CREBBP: variants seen among roughly 807,000 people sequenced by gnomAD.
CREBBP encodes CREB binding lysine acetyltransferase.
A neutral mutation model predicts 265.0 loss-of-function variants in CREBBP; 19 were observed. The observed-to-expected ratio is 0.07, with a 90% CI of 0.05 to 0.11. The LOEUF (loss-of-function observed/expected upper bound fraction) is 0.11, where lower values mean the gene tolerates loss of function less well. Ranked by LOEUF, CREBBP falls within the 10% of genes least tolerant of loss-of-function variation. CREBBP has a pLI of 1.00. For missense variants in CREBBP, 2,525 were observed against 3,219.0 expected, an observed-to-expected ratio of 0.78 and a Z score of 5.22; for synonymous variants, 1,457 against 1,223.7, an observed-to-expected ratio of 1.19 and a Z score of -3.98.
chr16:3,877,899 C>A (rs2055437004), intron 1 of CREBBP, among the ~76,000 whole-genome samples: 1 of 152,088 alleles, frequency 6.6e-6, no homozygotes, highest in Non-Finnish European at 1.5e-5. Flanking sequence ...CTGTGCCTTA[C>A]AAGGATCAAA....
rs1162128778 is a variant in CREBBP at position 3,727,928 on chromosome 16, T to C, written c.7119A>G (p.Pro2373=). Residue 2373 remains proline, a synonymous_variant, in exon 31 of 31, where the codon CCA becomes CCG. Coordinates refer to ENST00000262367, the MANE Select transcript of CREBBP (RefSeq NM_004380.3). ...AACCAGTCTGGGGTGAGACGTGGTGTGGCGAAGGCTGGGGCTGTATCCGTG... is the reference window on the plus strand; with the variant it reads ...AACCAGTCTGGGGTGAGACGTGGTGCGGCGAAGGCTGGGGCTGTATCCGTG... The part of the protein sequence containing the change: ...PSPRIQPQPS[P]HHVSPQTGSP... 1.9e-6 allele frequency: 3 copies of C among 1,609,440 alleles called. No individual in the cohort carries two copies. The South Asian group carries it at 3.3e-5, about 18-fold the overall frequency.
intron 3 of CREBBP, among the ~76,000 whole-genome samples, chr16:3,796,071 T>C (rs1370179179): frequency 6.6e-6 from 1 of 152,156 alleles, no homozygotes; most frequent in Admixed American, 6.5e-5. Flanking sequence ...CTCCTGACAC[T>C]ACCTTGTTGA....
intron 3 of CREBBP, among the ~76,000 whole-genome samples, chr16:3,810,340 T>A (rs893972384): frequency 6.6e-6 from 1 of 152,146 alleles, no homozygotes; most frequent in Admixed American, 6.5e-5. Context: ...AAAGGTAAAG[T>A]GATTCGTGCA....
chr16:3,773,182 T>G (rs943117127), intron 13 of CREBBP, among the ~76,000 whole-genome samples: 1 of 152,106 alleles, frequency 6.6e-6, no homozygotes, highest in Non-Finnish European at 1.5e-5. Context: ...TTGTATACAG[T>G]AGCAATGATA....
At chr16:3,765,115 AG>A (rs2052818552) in intron 16 of CREBBP, among the ~76,000 whole-genome samples, 4 of 152,182 alleles carry the variant, frequency 2.6e-5, no homozygotes, top group Non-Finnish European at 5.9e-5. Context: ...CTGGGACTAC[AG>A]GCGCCCGCCA....
At chr16:3,873,251 CTGATT>C (rs2055336367) in intron 1 of CREBBP, among the ~76,000 whole-genome samples, 1 of 152,136 alleles carries the variant, frequency 6.6e-6, no homozygotes, top group Non-Finnish European at 1.5e-5. Context: ...AGTGTACATC[CTGATT>C]TGATTTAAAA....
intron 1 of CREBBP, among the ~76,000 whole-genome samples, chr16:3,875,179 A>T (rs2110534): frequency 6.6e-6 from 1 of 152,136 alleles, no homozygotes; most frequent in African/African-American, 2.4e-5. Flanking sequence ...TACAGAATCA[A>T]ATCTGAATGT....
At chr16:3,856,617 C>A (rs2054969594) in intron 1 of CREBBP, among the ~76,000 whole-genome samples, 3 of 152,116 alleles carry the variant, frequency 2.0e-5, no homozygotes, top group Non-Finnish European at 2.9e-5. Flanking sequence ...CACTGCAGCC[C>A]AAAATAACTA....
chr16:3,761,949 C>T (rs913082526), intron 16 of CREBBP, among the ~76,000 whole-genome samples: 1 of 152,202 alleles, frequency 6.6e-6, no homozygotes, highest in African/African-American at 2.4e-5. Context: ...CAGCTGCTTG[C>T]TTTTCTGTAT....
At chr16:3,774,496 G>C (rs1193950908) in intron 12 of CREBBP, 73 bp downstream of exon 12, 128 of 1,599,086 alleles carry the variant, frequency 8.0e-5, no homozygotes, top group Non-Finnish European at 3.9e-5. Context: ...CAAGTGACAT[G>C]AATTCTGCTG....
chr16:3,833,579 T>G (rs1403875918), intron 2 of CREBBP, among the ~76,000 whole-genome samples: 1 of 152,214 alleles, frequency 6.6e-6, no homozygotes, highest in Admixed American at 6.5e-5. Context: ...ATAGAATTAA[T>G]AAGTGAGTTT....
rs2151300181 is a variant in CREBBP at position 3,728,086 on chromosome 16, G to T, written c.6961C>A (p.Leu2321Ile). ...PNPMSPQQHM[L>I]SGQPQASHLP... The stretch of plus-strand genomic sequence containing the variant: ...TGCGAGGCCTGTGGCTGTCCTGAGA[G>T]CATGTGTTGCTGGGGGCTCATGGGG... Residue 2321 changes from leucine (L) to isoleucine (I), a missense_variant, in exon 31 of 31, where the codon CTC (leucine) becomes ATC (isoleucine). Around this residue, in one of 19 missense-constraint regions of CREBBP, gnomAD observed 473 missense variants for 459.3 expected, o/e 1.03. Transcript: ENST00000262367. The surrounding 1 kb of genome is among the most constrained non-coding windows in gnomAD (Gnocchi z 8.7). 6.2e-7 allele frequency: 1 copy of T among 1,614,192 alleles called. No individual in the cohort carries two copies. The highest frequency in any genetic ancestry group is 8.5e-7 in the Non-Finnish European group (1 of 1,180,020).
At chr16:3,735,749 CAT>C in intron 28 of CREBBP, among the ~76,000 whole-genome samples, 1 of 152,308 alleles carries the variant, frequency 6.6e-6, no homozygotes, top group South Asian at 2.1e-4. Context: ...TCACTTTTTA[CAT>C]CAGCGGGTTG....
At chr16:3,745,214 C>G in intron 22 of CREBBP, 63 bp downstream of exon 22, 2 of 1,440,892 alleles carry the variant, frequency 1.4e-6, no homozygotes, top group Admixed American at 3.6e-5. Flanking sequence ...GCAGTAGCCA[C>G]TGCAACTGCC....
rs1349650323 is a variant in CREBBP, at chr16:3,731,428, G to A, written c.4936C>T (p.Leu1646=). The change falls in exon 30 of 31, where the codon CTG becomes TTG. Residue 1646 remains leucine, a synonymous_variant. Transcript: ENST00000262367. The surrounding 1 kb of genome is among the most constrained non-coding windows in gnomAD (Gnocchi z 7.7). ...GGGTCGGGGTCGACGATGGGGGGCA[G>A]GGTGTTGATGACAGGCCCAGCGTGC... ...HLHAGPVINT[L]PPIVDPDPLL... 4 of 1,602,504 alleles carry A rather than the reference G, an allele frequency of 2.5e-6. No homozygotes were observed. Among genetic ancestry groups the A allele is most frequent in the Non-Finnish European group, 3.4e-6 (4 of 1,175,386 alleles).
intron 15 of CREBBP, 145 bp from the exon 16 acceptor site, chr16:3,768,054 CG>C: frequency 1.4e-6 from 1 of 725,530 alleles, no homozygotes; most frequent in Non-Finnish European, 2.4e-6. Flanking sequence ...TCTTCTCTTC[CG>C]GAAGAAGAAA....
At chr16:3,744,803 T>A in intron 23 of CREBBP, 91 bp downstream of exon 23, 1 of 966,534 alleles carries the variant, frequency 1.0e-6, no homozygotes, top group Non-Finnish European at 1.7e-6. Context: ...CTCAGAACCA[T>A]GTGTTGAGAG....
At chr16:3,758,084 C>T (rs1440716134) in intron 17 of CREBBP, 36 bp from the exon 18 acceptor site, 1 of 1,608,486 alleles carries the variant, frequency 6.2e-7, no homozygotes, top group South Asian at 1.1e-5. Context: ...TATAGGGAAT[C>T]CCCCAATATC....
At position 3,788,413 on chromosome 16, in the gene CREBBP, T is replaced by C. The variant is rs188547418; in HGVS notation, c.1330+3568A>G. Among the ~76,000 whole-genome samples, 16 of 152,232 alleles carry C rather than the reference T, an allele frequency of 1.1e-4. No homozygotes were observed. In the East Asian group the frequency reaches 3.1e-3, roughly 29 times the overall value. ...CTATGGCTTCCCTGAGGCCTACACT[T>C]TGAGCAGCAAGAACTTCACAAGTGA... On this transcript the variant is annotated intron_variant, in intron 5 of 30. Transcript: ENST00000262367.
Sources: gnomAD v4.1 joint callset for allele counts (sites outside exome capture counted in the v4.1 genomes callset) on GRCh38, gnomAD v4.1.1 for gene constraint, gnomAD v4.1.1 regional missense constraint, Gnocchi (gnomAD v3.1) non-coding constraint, MANE v1.5 for transcripts, NCBI Gene and HGNC (gene_info 2026-07-23, HGNC 2026-07-21) for gene names.